The following PRKCSH variants were observed in gnomAD, a reference collection of about 807,000 sequenced individuals.
PRKCSH encodes glucosidase 2 subunit beta.
Under a neutral mutation model 79.7 loss-of-function variants are expected in PRKCSH, and 42 were observed. The observed-to-expected ratio is 0.53, with a 90% confidence interval of 0.41 to 0.68. The LOEUF (loss-of-function observed/expected upper bound fraction) is 0.68. PRKCSH is among the 30% of genes least tolerant of loss of function. The probability of loss-of-function intolerance (pLI) is 0.00; values close to 1 mark genes in which losing one functional copy is unlikely to be tolerated. For missense variants in PRKCSH, 686 were observed against 709.0 expected, an observed-to-expected ratio of 0.97 and a Z score of 0.37; for synonymous variants, 325 against 288.2, an observed-to-expected ratio of 1.13 and a Z score of -1.29.
intron 5 of PRKCSH, among the ~76,000 whole-genome samples, chr19:11,439,618 T>TC (rs1301291120): frequency 1.5e-5 from 2 of 131,844 alleles, no homozygotes; most frequent in Non-Finnish European, 3.3e-5. Flanking sequence ...TTTTTTTTTT[T>TC]TTTTTTTTTT....
chr19:11,436,996 T>TA (rs1482220782), intron 3 of PRKCSH, among the ~76,000 whole-genome samples: 1 of 152,198 alleles, frequency 6.6e-6, no homozygotes, highest in African/African-American at 2.4e-5. Flanking sequence ...GTGCTGGGGT[T>TA]ACAGGTGTGA....
chr19:11,436,521 G>A lies in PRKCSH; in HGVS notation c.196+16G>A, dbSNP rs747067183. 22 of 1,582,644 alleles carry A rather than the reference G, an allele frequency of 1.4e-5. No homozygotes were observed. The highest frequency in any genetic ancestry group is 1.7e-6 in the Non-Finnish European group (2 of 1,153,898). On this transcript the variant is annotated intron_variant, in intron 3 of 17. Coordinates refer to ENST00000677123, the MANE Select transcript of PRKCSH (RefSeq NM_001289104.2). Reference sequence around the variant, plus strand: ...GACGAGCCAGGTGAGCCTTTTCTCTGTTCATCCATCAGATGTTTATTGAAC... The same window carrying A: ...GACGAGCCAGGTGAGCCTTTTCTCTATTCATCCATCAGATGTTTATTGAAC...
At chr19:11,442,321 G>GGT (rs1250726940) in intron 6 of PRKCSH, 65 bp from the exon 7 acceptor site, 23 of 1,536,020 alleles carry the variant, frequency 1.5e-5, no homozygotes, top group Non-Finnish European at 2.0e-5. Flanking sequence ...GAGGCAGGGA[G>GGT]GTAGTAGTCA....
Position 11,449,487 on chromosome 19 carries a change from G to A in PRKCSH, c.*16+59G>A. 1.2e-6 allele frequency: 2 copies of A among 1,604,082 alleles called. No homozygotes were observed. The highest frequency in any genetic ancestry group is 2.2e-5 in the South Asian group (2 of 90,750). ...CCAGCAAGGGGAGGCGGCGGGCCCT[G>A]AGGAAGATGGACCCACATGGCCACT... On this transcript the variant is annotated intron_variant, in intron 17 of 17. Coordinates refer to ENST00000677123, the MANE Select transcript of PRKCSH (RefSeq NM_001289104.2). This position sits in a 1 kb window ranked among gnomAD's most constrained non-coding sequence, Gnocchi z 6.4.
chr19:11,448,651 G>A lies in PRKCSH; in HGVS notation c.1286+22G>A. The A allele has an allele frequency of 6.2e-7, 1 of 1,606,162 alleles. No individual in the cohort carries two copies. The highest frequency in any genetic ancestry group is 1.3e-5 in the African/African-American group (1 of 74,878). On this transcript the variant is annotated intron_variant, in intron 14 of 17. Transcript: ENST00000677123. The surrounding 1 kb of genome is among the most constrained non-coding windows in gnomAD (Gnocchi z 4.4). ...ACGAGTGCGTCCCAGGAATGCAGGG[G>A]CCCCCACTGGCAGGGTGGGAGGCGG...
chr19:11,436,350 C>T, intron 2 of PRKCSH, 39 bp from the exon 3 acceptor site: 4 of 1,597,828 alleles, frequency 2.5e-6, no homozygotes, highest in African/African-American at 1.3e-5. Context: ...GTGGAGAAGG[C>T]GCTTACCTGC....
intron 5 of PRKCSH, among the ~76,000 whole-genome samples, chr19:11,440,610 G>A (rs1031828137): frequency 3.3e-5 from 5 of 151,670 alleles, no homozygotes; most frequent in East Asian, 1.9e-4. Context: ...GCGCCACCAC[G>A]CCCAGCTAAT....
At position 11,448,143 on chromosome 19, in the gene PRKCSH, C is replaced by T. The variant is rs1208529243; in HGVS notation, c.1127-79C>T. On this transcript the variant is annotated intron_variant, in intron 12 of 17. Coordinates refer to ENST00000677123, the MANE Select transcript of PRKCSH (RefSeq NM_001289104.2). The surrounding 1 kb of genome is among the most constrained non-coding windows in gnomAD (Gnocchi z 4.4). ...AGCAAAATGAGGGTATGGGAGCACA[C>T]AGCCACATCCATGGAACCCCGTTCC... is the stretch of plus-strand genomic sequence containing the variant. 1.4e-6 allele frequency: 2 copies of T among 1,418,584 alleles called. No homozygotes were observed. Among genetic ancestry groups the T allele is most frequent in the Non-Finnish European group, 9.7e-7 (1 of 1,027,230 alleles). The allele number at this position is 1,418,584 out of a possible 1,614,324, so 87.9% of individuals were successfully genotyped here.
At chr19:11,438,818 G>C (rs1355573878) in intron 5 of PRKCSH, among the ~76,000 whole-genome samples, 1 of 152,000 alleles carries the variant, frequency 6.6e-6, no homozygotes, top group African/African-American at 2.4e-5. Context: ...GCAATACGGA[G>C]GGGTGGGGAT....
intron 17 of PRKCSH, among the ~76,000 whole-genome samples, chr19:11,450,238 T>G (rs1223211576): frequency 6.6e-6 from 1 of 150,386 alleles, no homozygotes; most frequent in Non-Finnish European, 1.5e-5. Context: ...TTTGGGAGGC[T>G]GAGGTGGGCG....
At position 11,437,932 on chromosome 19, in the gene PRKCSH, C is replaced by A. The variant is rs1205339782; in HGVS notation, c.253C>A (p.Leu85Met). The A allele has an allele frequency of 1.2e-6, 2 of 1,614,064 alleles. No individual in the cohort carries two copies. Among genetic ancestry groups the A allele is most frequent in the Non-Finnish European group, 1.7e-6 (2 of 1,180,046 alleles). Residue 85 changes from leucine (L) to methionine (M), a missense_variant, in exon 4 of 18, where the codon CTG becomes ATG. Around this residue, in one of 2 missense-constraint regions of PRKCSH, gnomAD observed 549 missense variants for 520.2 expected, o/e 1.06. Coordinates refer to ENST00000677123, the MANE Select transcript of PRKCSH (RefSeq NM_001289104.2). ...FHCTNTGYKP[L>M]YIPSNRVNDG... ...CTGCACCAACACTGGCTATAAGCCC[C>A]TGTATATCCCCTCCAACCGGGTCAA...
chr19:11,446,203 A>G (rs1462475655), intron 8 of PRKCSH, 69 bp from the exon 9 acceptor site: 1 of 1,549,156 alleles, frequency 6.5e-7, no homozygotes, highest in East Asian at 2.3e-5. Context: ...CAGGTGGGCC[A>G]CATGGTGCCC....
In PRKCSH at chr19:11,436,156, G is replaced by T; in HGVS notation, c.39G>T (p.Trp13Cys). Residue 13 changes from tryptophan (W) to cysteine (C), a missense_variant, in exon 2 of 18, where the codon TGG (tryptophan) becomes TGT (cysteine). By Grantham distance (215) the Trp-to-Cys change is radical. Transcript: ENST00000677123. ...LPLLLLLPMC[W>C]AVEVKRPRGV... ...TGCTGCTGCTGCTACCCATGTGCTG[G>T]GCCGTGGAGGTCAAGAGGCCCCGGG... 1 of 1,603,562 alleles carries T rather than the reference G, an allele frequency of 6.2e-7. No individual in the cohort carries two copies.
At chr19:11,440,410 C>G (rs1429631984) in intron 5 of PRKCSH, among the ~76,000 whole-genome samples, 1 of 151,892 alleles carries the variant, frequency 6.6e-6, no homozygotes, top group Non-Finnish European at 1.5e-5. Flanking sequence ...CCTCGGTCTC[C>G]CAAAGTGCTG....
In PRKCSH at chr19:11,447,524, CAG is replaced by C; in HGVS notation, c.938_939del (p.Glu313GlyfsTer14). The C allele has an allele frequency of 6.3e-7, 1 of 1,593,300 alleles. No homozygotes were observed. The highest frequency in any genetic ancestry group is 8.5e-7 in the Non-Finnish European group (1 of 1,172,432). On this transcript the variant is annotated frameshift_variant, in exon 11 of 18. Transcript: ENST00000677123. LOFTEE classifies it high-confidence loss of function. The surrounding 1 kb of genome is among the most constrained non-coding windows in gnomAD (Gnocchi z 5.6). ...CAGCCGCCAGTGCCCTCGTCGCCCA[CAG>C]AGGAGGAGGAGGAGGAGGAGGAGGA...
At position 11,449,570 on chromosome 19, in the gene PRKCSH, T is replaced by A; in HGVS notation, c.*16+142T>A. 4 of 1,116,538 alleles carry A rather than the reference T, an allele frequency of 3.6e-6. No individual in the cohort carries two copies. Among genetic ancestry groups the A allele is most frequent in the Non-Finnish European group, 3.8e-6 (3 of 782,514 alleles). 69.2% of individuals were successfully genotyped at this position (1,116,538 alleles called of 1,614,324 possible). A position where few individuals can be genotyped will look rare whatever the true frequency, so the allele number is the denominator to read the frequency against. On this transcript the variant is annotated intron_variant, in intron 17 of 17. Transcript: ENST00000677123. This position sits in a 1 kb window ranked among gnomAD's most constrained non-coding sequence, Gnocchi z 6.4. Reference sequence around the variant, plus strand: ...TTTGTTTTGTTTTTTTGAGGTGGAGTCTCACTCTTTGGCCCAGGCTGGAGT... The same window carrying A: ...TTTGTTTTGTTTTTTTGAGGTGGAGACTCACTCTTTGGCCCAGGCTGGAGT...
Position 11,448,884 on chromosome 19 carries a change from C to A in PRKCSH, c.1287-30C>A. ...GGGAGGAGGCTGGAATCCCTGCGTTCCCCAACCCATATGTCCCGGTCCTCC... is the reference window on the plus strand; with the variant it reads ...GGGAGGAGGCTGGAATCCCTGCGTTACCCAACCCATATGTCCCGGTCCTCC... On this transcript the variant is annotated intron_variant, in intron 14 of 17. Transcript: ENST00000677123. This position sits in a 1 kb window ranked among gnomAD's most constrained non-coding sequence, Gnocchi z 4.4. The A allele has an allele frequency of 6.2e-7, 1 of 1,613,522 alleles. No individual in the cohort carries two copies.
Position 11,448,744 on chromosome 19 carries a change from G to T in PRKCSH, c.1286+115G>T, listed in dbSNP as rs1970445227. ...AACCATCTGCGGGTGGGGCCCGAGAGTGCTGCCTTCCATATTGAGGGGGAG... is the reference window on the plus strand; with the variant it reads ...AACCATCTGCGGGTGGGGCCCGAGATTGCTGCCTTCCATATTGAGGGGGAG... On this transcript the variant is annotated intron_variant, in intron 14 of 17. Coordinates refer to ENST00000677123, the MANE Select transcript of PRKCSH (RefSeq NM_001289104.2). This position sits in a 1 kb window ranked among gnomAD's most constrained non-coding sequence, Gnocchi z 4.4. The T allele has an allele frequency of 7.5e-7, 1 of 1,335,988 alleles. No homozygotes were observed. Among genetic ancestry groups the T allele is most frequent in the Non-Finnish European group, 1.1e-6 (1 of 933,712 alleles). 82.8% of individuals were successfully genotyped at this position (1,335,988 alleles called of 1,614,324 possible).
Position 11,447,672 on chromosome 19 carries a change from C to A in PRKCSH, c.1030-21C>A. The A allele has an allele frequency of 6.4e-7, 1 of 1,563,128 alleles. No homozygotes were observed. Among genetic ancestry groups the A allele is most frequent in the Non-Finnish European group, 8.7e-7 (1 of 1,153,458 alleles). The stretch of plus-strand genomic sequence containing the variant: ...GAGAGGGTGGGGGAAGGGCTACTCA[C>A]TGACCCTGCCCCTGCCCCAGGAGGC... On this transcript the variant is annotated intron_variant, in intron 11 of 17. Coordinates refer to ENST00000677123, the MANE Select transcript of PRKCSH (RefSeq NM_001289104.2). This position sits in a 1 kb window ranked among gnomAD's most constrained non-coding sequence, Gnocchi z 5.6.
Sources: allele counts gnomAD v4.1 joint callset (sites outside exome capture counted in the v4.1 genomes callset), GRCh38; gene constraint gnomAD v4.1.1; regional missense constraint gnomAD v4.1.1; non-coding constraint Gnocchi (gnomAD v3.1); transcripts MANE v1.5; gene names NCBI Gene and HGNC (gene_info 2026-07-23, HGNC 2026-07-21).